Variants in ST3GAL6 observed in about 807,000 individuals in gnomAD.
ST3GAL6 encodes the protein ST3 beta-galactoside alpha-2,3-sialyltransferase 6, also known as type 2 lactosamine alpha-2,3-sialyltransferase.
A neutral mutation model predicts 40.5 loss-of-function variants in ST3GAL6; 31 were observed. The ratio of observed to expected loss-of-function variants is 0.77; its 90% CI spans 0.58 to 1.03. The LOEUF is 1.03. Ranked by LOEUF, ST3GAL6 falls within the 50% of genes least tolerant of loss-of-function variation. The pLI, the probability that ST3GAL6 is intolerant of heterozygous loss-of-function variation, is 0.00. For synonymous variants in ST3GAL6, 129 were observed against 136.9 expected, an observed-to-expected ratio of 0.94 and a Z score of 0.40; for missense variants, 357 against 393.2, an observed-to-expected ratio of 0.91 and a Z score of 0.78.
intron 1 of ST3GAL6, chr3:98,756,482 G>T: frequency 7.8e-7 from 1 of 1,288,670 alleles, no homozygotes; most frequent in Non-Finnish European, 1.0e-6. Flanking sequence ...TCCCTCTTTC[G>T]CAAATTCTCC....
intron 5 of ST3GAL6, among the ~76,000 whole-genome samples, chr3:98,776,490 G>A (rs149254420): frequency 2.0e-5 from 3 of 152,154 alleles, no homozygotes; most frequent in African/African-American, 4.8e-5. Context: ...TTGTGAGCTG[G>A]GCCCACACGT....
chr3:98,766,309 T>C (rs1938315076), intron 1 of ST3GAL6, among the ~76,000 whole-genome samples: 2 of 151,766 alleles, frequency 1.3e-5, no homozygotes, highest in Non-Finnish European at 2.9e-5. Flanking sequence ...CTTCTTTCCC[T>C]AGACCTTCAT....
In ST3GAL6 at chr3:98,756,473, C is replaced by T. The variant is rs1260885082; in HGVS notation, c.-11-11957C>T. On this transcript the variant is annotated intron_variant, in intron 1 of 9. Coordinates refer to the ST3GAL6 transcript ENST00000265261. Reference sequence around the variant, plus strand: ...CGTCCTGAGTCTTTGGCAGCCTGGTCCCTCTTTCGCAAATTCTCCACCTTT... The same window carrying T: ...CGTCCTGAGTCTTTGGCAGCCTGGTTCCTCTTTCGCAAATTCTCCACCTTT... The T allele has an allele frequency of 2.3e-6, 3 of 1,288,972 alleles. No homozygotes were observed. In the African/African-American group the frequency reaches 4.6e-5, roughly 20 times the overall value. The allele number at this position is 1,288,972 out of a possible 1,614,324, so 79.8% of individuals were successfully genotyped here. A position where few individuals can be genotyped will look rare whatever the true frequency, so the allele number is the denominator to read the frequency against.
intron 1 of ST3GAL6, among the ~76,000 whole-genome samples, chr3:98,736,334 A>G (rs182211924): frequency 8.5e-5 from 13 of 152,218 alleles, no homozygotes; most frequent in Non-Finnish European, 1.3e-4. Context: ...ATACTTTGCA[A>G]TGTATTTAGT....
chr3:98,761,989 C>T (rs1053069358), upstream of ST3GAL6, among the ~76,000 whole-genome samples: 2 of 152,196 alleles, frequency 1.3e-5, no homozygotes, highest in Non-Finnish European at 2.9e-5. Context: ...TTGCAGTGAG[C>T]ACACCCCACT....
At chr3:98,782,239 C>T (rs1413477486) in intron 5 of ST3GAL6, 14 of 703,112 alleles carry the variant, frequency 2.0e-5, no homozygotes, top group African/African-American at 3.5e-5. Flanking sequence ...AGGCTTCCGC[C>T]TGCTGGACAG....
chr3:98,754,717 C>T (rs1291260751), intron 1 of ST3GAL6, among the ~76,000 whole-genome samples: 1 of 152,202 alleles, frequency 6.6e-6, no homozygotes, highest in Non-Finnish European at 1.5e-5. Flanking sequence ...ACAGCCACCC[C>T]AACCTTTAGC....
In ST3GAL6 at chr3:98,756,234, G is replaced by C. The variant is rs1241208203; in HGVS notation, c.-11-12196G>C. On this transcript the variant is annotated intron_variant, in intron 1 of 9. Coordinates refer to the ST3GAL6 transcript ENST00000265261. ...TTGTGTTTGGTAATTTCATCATCCT[G>C]GAAAACATTTTTTAGGAGATCAGAA... is the stretch of plus-strand genomic sequence containing the variant. 9 of 649,842 alleles carry C rather than the reference G, an allele frequency of 1.4e-5. No individual in the cohort carries two copies. In the East Asian group the frequency reaches 6.0e-4, roughly 43 times the overall value. The allele number at this position is 649,842 out of a possible 1,614,324, so 40.3% of individuals were successfully genotyped here. A position where few individuals can be genotyped will look rare whatever the true frequency, so the allele number is the denominator to read the frequency against.
rs149379251 is a variant in ST3GAL6 at position 98,755,087 on chromosome 3, G to A, written c.-11-13343G>A. On this transcript the variant is annotated intron_variant, in intron 1 of 9. Coordinates refer to the ST3GAL6 transcript ENST00000265261. ...TTTTGAGACGGAGTCTCGCTCTGTC[G>A]CCCAGCCTGGAGTGCAGTGGCACAA... Among the ~76,000 whole-genome samples, 449 of 152,094 alleles carry A rather than the reference G, an allele frequency of 3.0e-3. 1 individual carries two copies. The highest frequency in any genetic ancestry group is 5.3e-3 in the Non-Finnish European group (363 of 67,984).
intron 1 of ST3GAL6, among the ~76,000 whole-genome samples, chr3:98,750,132 TCATTAATGGTAGTATACTGAAATCAC>T (rs1936884737): frequency 6.6e-6 from 1 of 152,262 alleles, no homozygotes; most frequent in South Asian, 2.1e-4. Context: ...TTCTGCATTT[TCATTAATGGTAGTATACTGAAATCAC>T]AAATTCATTC....
At chr3:98,760,379 C>A (rs2107389315), upstream of ST3GAL6, among the ~76,000 whole-genome samples, 1 of 152,286 alleles carries the variant, frequency 6.6e-6, no homozygotes, top group South Asian at 2.1e-4. Flanking sequence ...ATGGACCACA[C>A]TTTGAATAAC....
chr3:98,763,806 C>T (rs1324458403), intron 1 of ST3GAL6, among the ~76,000 whole-genome samples: 2 of 151,464 alleles, frequency 1.3e-5, no homozygotes, highest in African/African-American at 2.4e-5. Context: ...AGAATGCAGA[C>T]GTTGGAAAAG....
upstream of ST3GAL6, among the ~76,000 whole-genome samples, chr3:98,762,044 T>G (rs1937829200): frequency 6.6e-6 from 1 of 151,644 alleles, no homozygotes; most frequent in Admixed American, 6.6e-5. Flanking sequence ...AGGCTTATCT[T>G]TAATTAAGTG....
At chr3:98,761,095 AC>A (rs1398141104), upstream of ST3GAL6, among the ~76,000 whole-genome samples, 1 of 152,170 alleles carries the variant, frequency 6.6e-6, no homozygotes, top group Non-Finnish European at 1.5e-5. Flanking sequence ...GAACAAAGGA[AC>A]TTTTGAGGTT....
intron 1 of ST3GAL6, chr3:98,732,697 C>T: frequency 1.5e-6 from 1 of 660,232 alleles, no homozygotes. Context: ...CGGAGGCGCT[C>T]GGCGCAGTCG....
At position 98,794,128 on chromosome 3, in the gene ST3GAL6, A is replaced by ATAT. The variant is rs1192541524; in HGVS notation, c.*369_*371dup. 6.5e-6 allele frequency: 1 copy of ATAT among 154,616 alleles called. No homozygotes were observed. Among genetic ancestry groups the ATAT allele is most frequent in the African/African-American group, 2.4e-5 (1 of 41,522 alleles). 9.6% of individuals were successfully genotyped at this position (154,616 alleles called of 1,614,324 possible). Reference sequence around the variant, plus strand: ...ACTACAATAAGACATTTTGAGGAGGATATTTGGCTACTGTAAACATGGCTG... The same window carrying ATAT: ...ACTACAATAAGACATTTTGAGGAGGATATTATTTGGCTACTGTAAACATGGCTG... On this transcript the variant is annotated 3_prime_UTR_variant, in exon 10 of 10. Coordinates refer to ENST00000483910, the MANE Select transcript of ST3GAL6 (RefSeq NM_001323368.2).
In ST3GAL6 at chr3:98,793,780, T is replaced by C; in HGVS notation, c.*19T>C. 4 of 1,498,414 alleles carry C rather than the reference T, an allele frequency of 2.7e-6. No homozygotes were observed. Among genetic ancestry groups the C allele is most frequent in the Non-Finnish European group, 3.7e-6 (4 of 1,094,426 alleles). The allele number at this position is 1,498,414 out of a possible 1,614,324, so 92.8% of individuals were successfully genotyped here. On this transcript the variant is annotated 3_prime_UTR_variant, in exon 10 of 10. Coordinates refer to ENST00000483910, the MANE Select transcript of ST3GAL6 (RefSeq NM_001323368.2). ...AGATTGACTCTACAGACTCAGAAGA[T>C]GATGCTAACAGTGTTAGTTTTATTT...
intron 1 of ST3GAL6, among the ~76,000 whole-genome samples, chr3:98,741,311 GT>G (rs1411422155): frequency 1.3e-5 from 2 of 151,754 alleles, no homozygotes; most frequent in Non-Finnish European, 2.9e-5. Context: ...GGACTCCTAT[GT>G]CATCATCCAG....
Position 98,747,646 on chromosome 3 carries a change from A to G in ST3GAL6, c.-12+15114A>G, listed in dbSNP as rs181574729. Among the ~76,000 whole-genome samples, 254 of 152,356 alleles carry G rather than the reference A, an allele frequency of 1.7e-3. 1 individual carries two copies. The highest frequency in any genetic ancestry group is 2.4e-3 in the Non-Finnish European group (162 of 68,032). On this transcript the variant is annotated intron_variant, in intron 1 of 9. Transcript: ENST00000265261. ...CAAATTTGTGATGTATTTGTTTGATAGAATAGAGCATTTAAAAAGAATGAA... is the reference window on the plus strand; with the variant it reads ...CAAATTTGTGATGTATTTGTTTGATGGAATAGAGCATTTAAAAAGAATGAA...
Sources: allele counts gnomAD v4.1 joint callset (sites outside exome capture counted in the v4.1 genomes callset), GRCh38; gene constraint gnomAD v4.1.1; transcripts MANE v1.5; gene names NCBI Gene and HGNC (gene_info 2026-07-23, HGNC 2026-07-21).